Variants in NR3C2 observed in about 807,000 individuals in gnomAD.
NR3C2 encodes nuclear receptor subfamily 3 group C member 2.
Under a neutral mutation model 86.4 loss-of-function variants are expected in NR3C2, and 15 were observed. That is an observed-to-expected ratio of 0.17 (90% CI 0.12 to 0.27). NR3C2 has a LOEUF of 0.27. Ranked by LOEUF, NR3C2 falls within the 10% of genes least tolerant of loss-of-function variation. The pLI is 1.00. For missense variants in NR3C2, 960 were observed against 1,195.6 expected, an observed-to-expected ratio of 0.80 and a Z score of 2.91; for synonymous variants, 458 against 450.5, an observed-to-expected ratio of 1.02 and a Z score of -0.21.
chr4:148,129,480 A>C (rs182100322), intron 6 of NR3C2, among the ~76,000 whole-genome samples: 16 of 152,342 alleles, frequency 1.1e-4, no homozygotes, highest in Admixed American at 9.8e-4. Flanking sequence ...TACACGTAAA[A>C]AGGGTTAGAA....
chr4:148,204,316 T>C (rs1298919879), intron 3 of NR3C2, among the ~76,000 whole-genome samples: 1 of 152,204 alleles, frequency 6.6e-6, no homozygotes, highest in African/African-American at 2.4e-5. Flanking sequence ...CATTCAATAC[T>C]AGGAATTTAA....
chr4:148,160,109 G>A (rs1187596366), intron 4 of NR3C2, among the ~76,000 whole-genome samples: 2 of 152,158 alleles, frequency 1.3e-5, no homozygotes, highest in Non-Finnish European at 2.9e-5. Context: ...TAACTAGTAT[G>A]TGCTTAGTTG....
chr4:148,193,981 G>C (rs932872274), intron 4 of NR3C2, among the ~76,000 whole-genome samples: 1 of 152,070 alleles, frequency 6.6e-6, no homozygotes, highest in Non-Finnish European at 1.5e-5. Flanking sequence ...ATATTATTTG[G>C]ATTTATTTCT....
intron 2 of NR3C2, among the ~76,000 whole-genome samples, chr4:148,304,895 CTT>C (rs34499764): frequency 2.1e-5 from 3 of 140,612 alleles, no homozygotes; most frequent in Admixed American, 7.1e-5. Context: ...TGGCAGGACC[CTT>C]TTTTTTTTTT....
At chr4:148,213,134 TG>T (rs1737362383) in intron 3 of NR3C2, among the ~76,000 whole-genome samples, 5 of 95,358 alleles carry the variant, frequency 5.2e-5, no homozygotes, top group Admixed American at 4.4e-4. Flanking sequence ...AGGACAATGA[TG>T]GGTTTTTTTT....
chr4:148,269,447 T>C (rs1740561293), intron 2 of NR3C2, among the ~76,000 whole-genome samples: 1 of 152,216 alleles, frequency 6.6e-6, no homozygotes, highest in African/African-American at 2.4e-5. Flanking sequence ...ATCTTTTCTA[T>C]TAAGGATTTT....
chr4:148,101,640 AT>A (rs1243813261), intron 8 of NR3C2, among the ~76,000 whole-genome samples: 1 of 152,224 alleles, frequency 6.6e-6, no homozygotes, highest in African/African-American at 2.4e-5. Context: ...CATACAGTAC[AT>A]AATAAAGCCA....
chr4:148,148,135 T>A (rs1042195437), intron 6 of NR3C2, among the ~76,000 whole-genome samples: 14 of 104,422 alleles, frequency 1.3e-4, no homozygotes, highest in African/African-American at 4.1e-4. Context: ...GGTCCCAGGC[T>A]CTCCCTTCCC....
rs141296325 is a variant in NR3C2, at chr4:148,279,013, A to T, written c.1758-18896T>A. Among the ~76,000 whole-genome samples, 557 of 152,150 alleles carry T rather than the reference A, an allele frequency of 3.7e-3. 5 individuals are homozygous for T. The highest frequency in any genetic ancestry group is 6.4e-3 in the Non-Finnish European group (434 of 67,992). On this transcript the variant is annotated intron_variant, in intron 2 of 8. Transcript: ENST00000358102. ...CCCGTCCCTACTAAAAATGCAAAAA[A>T]TTAGCTGGGCGTGGTGGCAGGCGCC...
chr4:148,245,044 T>C (rs1275513249), intron 3 of NR3C2, among the ~76,000 whole-genome samples: 1 of 152,206 alleles, frequency 6.6e-6, no homozygotes. Flanking sequence ...AAATGCACAT[T>C]TTATGTTTAG....
chr4:148,315,676 T>C (rs1743135468), intron 2 of NR3C2, among the ~76,000 whole-genome samples: 1 of 152,230 alleles, frequency 6.6e-6, no homozygotes, highest in Non-Finnish European at 1.5e-5. Flanking sequence ...TGGCATTACA[T>C]ACCCTAAAGA....
chr4:148,391,982 A>G (rs1432062644), intron 2 of NR3C2, among the ~76,000 whole-genome samples: 1 of 152,168 alleles, frequency 6.6e-6, no homozygotes, highest in Non-Finnish European at 1.5e-5. Context: ...GGAGAAATAA[A>G]AACTTTATGT....
intron 7 of NR3C2, 100 bp from the exon 8 acceptor site, chr4:148,114,361 A>C: frequency 8.0e-7 from 1 of 1,247,684 alleles, no homozygotes; most frequent in Non-Finnish European, 1.1e-6. Context: ...TAGATACTAA[A>C]TCTCAATTAA....
chr4:148,436,265 T>A lies in NR3C2; in HGVS notation c.596A>T (p.Asn199Ile), dbSNP rs1560736749. The A allele has an allele frequency of 1.2e-6, 2 of 1,614,146 alleles. No individual in the cohort carries two copies. The highest frequency in any genetic ancestry group is 1.6e-4 in the Middle Eastern group (1 of 6,062). The change falls in exon 2 of 9, where the codon AAC (asparagine) becomes ATC (isoleucine). Residue 199 changes from asparagine to isoleucine, a missense_variant. This residue lies in a region of NR3C2 where 680 missense variants were observed against 719.0 expected (regional missense o/e 0.95). Transcript: ENST00000358102. ...EKSPSVCSPL[N>I]MTSSVCSPAG... Reference sequence around the variant, plus strand: ...AGGGCTGCAAACCGAAGATGTCATGTTCAGAGGGCTGCAAACAGACGGGCT... The same window carrying A: ...AGGGCTGCAAACCGAAGATGTCATGATCAGAGGGCTGCAAACAGACGGGCT...
chr4:148,137,005 A>G (rs1010815492), intron 6 of NR3C2, among the ~76,000 whole-genome samples: 4 of 152,226 alleles, frequency 2.6e-5, no homozygotes, highest in African/African-American at 9.6e-5. Context: ...TGACTGGCGA[A>G]AGGCTGGTCT....
intron 6 of NR3C2, among the ~76,000 whole-genome samples, chr4:148,151,112 C>T (rs773531839): frequency 6.6e-6 from 1 of 151,996 alleles, no homozygotes; most frequent in Non-Finnish European, 1.5e-5. Flanking sequence ...GTAATTAATG[C>T]TACTGAGTTG....
intron 4 of NR3C2, among the ~76,000 whole-genome samples, chr4:148,164,293 T>C (rs1340933962): frequency 6.6e-6 from 1 of 152,152 alleles, no homozygotes; most frequent in Non-Finnish European, 1.5e-5. Flanking sequence ...ATCTAGTCAG[T>C]CTGTATAAAA....
intron 2 of NR3C2, among the ~76,000 whole-genome samples, chr4:148,414,474 A>C (rs1006970189): frequency 6.6e-6 from 1 of 152,192 alleles, no homozygotes; most frequent in Admixed American, 6.5e-5. Context: ...TAAAGAGATA[A>C]ATAAGGCATC....
At chr4:148,149,027 C>A (rs1733991908) in intron 6 of NR3C2, among the ~76,000 whole-genome samples, 1 of 152,188 alleles carries the variant, frequency 6.6e-6, no homozygotes, top group Admixed American at 6.6e-5. Flanking sequence ...GCTACCACAT[C>A]AAGCTCTCTT....
Sources: gnomAD v4.1 joint callset for allele counts (sites outside exome capture counted in the v4.1 genomes callset) on GRCh38, gnomAD v4.1.1 for gene constraint, gnomAD v4.1.1 regional missense constraint, MANE v1.5 for transcripts, NCBI Gene and HGNC (gene_info 2026-07-23, HGNC 2026-07-21) for gene names.